Variants in ACSS2 observed in about 807,000 individuals in gnomAD.
The protein encoded by ACSS2 is acetyl-coenzyme A synthetase, cytoplasmic.
In ACSS2, 58 loss-of-function variants were observed where a neutral mutation model predicts 90.6. The ratio of observed to expected loss-of-function variants is 0.64; its 90% confidence interval spans 0.52 to 0.80. The LOEUF (loss-of-function observed/expected upper bound fraction) is 0.80. Among genes scored for constraint, ACSS2 ranks in the 30% least tolerant of loss-of-function variants. ACSS2 has a pLI of 0.00. For synonymous variants in ACSS2, 300 were observed against 330.9 expected (o/e 0.91, Z 1.01); for missense variants, 759 against 912.0 (o/e 0.83, Z 2.16).
chr20:34,902,457 A>G (rs965792055), intron 2 of ACSS2, among the ~76,000 whole-genome samples: 1 of 152,130 alleles, frequency 6.6e-6, no homozygotes, highest in East Asian at 1.9e-4. Flanking sequence ...TTCACTAGGA[A>G]GTGACATTTA....
At chr20:34,922,125 A>T (rs2081217382) in intron 13 of ACSS2, 1 of 641,216 alleles carries the variant, frequency 1.6e-6, no homozygotes, top group Non-Finnish European at 2.2e-6. Flanking sequence ...GGTCTGGAAG[A>T]CTAAGTCCCA....
chr20:34,919,312 G>T, intron 7 of ACSS2, 123 bp from the exon 8 acceptor site: 1 of 1,446,168 alleles, frequency 6.9e-7, no homozygotes. Context: ...TCCTTGAAGG[G>T]CCTTCTCTCC....
intron 1 of ACSS2, among the ~76,000 whole-genome samples, chr20:34,881,256 C>T (rs2080066437): frequency 6.7e-6 from 1 of 149,936 alleles, no homozygotes; most frequent in East Asian, 2.0e-4. Flanking sequence ...AGGCTGGTCT[C>T]GAACTCCTGA....
At chr20:34,878,836 C>T (rs2079988174) in intron 1 of ACSS2, among the ~76,000 whole-genome samples, 1 of 151,300 alleles carries the variant, frequency 6.6e-6, no homozygotes, top group East Asian at 1.9e-4. Context: ...TCATATGTCA[C>T]TGCAAAAACT....
At chr20:34,896,897 G>A (rs1257361566) in intron 2 of ACSS2, among the ~76,000 whole-genome samples, 1 of 152,192 alleles carries the variant, frequency 6.6e-6, no homozygotes, top group Non-Finnish European at 1.5e-5. Flanking sequence ...GCCTGTGGTG[G>A]CGGGGGCCTG....
At chr20:34,885,915 G>T (rs1000920583) in intron 2 of ACSS2, among the ~76,000 whole-genome samples, 1 of 148,360 alleles carries the variant, frequency 6.7e-6, no homozygotes, top group Admixed American at 6.6e-5. Context: ...GCTGCATTAG[G>T]CATTATGGAT....
rs967973630 is a variant in ACSS2, at chr20:34,914,154, G to A, written c.702G>A (p.Leu234=). 6.2e-7 allele frequency: 1 copy of A among 1,614,204 alleles called. No homozygotes were observed. The highest frequency in any genetic ancestry group is 2.2e-5 in the East Asian group (1 of 44,894). The change falls in exon 6 of 18, where the codon CTG becomes CTA. Residue 234 remains leucine, a synonymous_variant. Transcript: ENST00000360596. ...TGAAGGAGCTGGCTGACGAGGCCCT[G>A]CAGAAGTGTCAGGAGAAGTAAGTGT... ...VNLKELADEA[L]QKCQEKGFPV... is the part of the protein sequence containing the mutation.
rs1600358325 is a variant in ACSS2 at position 34,922,124 on chromosome 20, G to A, written c.1548+258G>A. The A allele has an allele frequency of 4.5e-6, 3 of 659,768 alleles. No individual in the cohort carries two copies. In the East Asian group the frequency reaches 1.2e-4, roughly 26 times the overall value. The allele number at this position is 659,768 out of a possible 1,614,324, so 40.9% of individuals were successfully genotyped here. ...TGATGGTACCTTTTTGGGTCTGGAA[G>A]ACTAAGTCCCATCTTCTTTTGACAA... On this transcript the variant is annotated intron_variant, in intron 13 of 17. Transcript: ENST00000360596.
intron 2 of ACSS2, among the ~76,000 whole-genome samples, chr20:34,899,879 T>C (rs1359793026): frequency 6.6e-6 from 1 of 152,188 alleles, no homozygotes. Context: ...AACCTTTGGG[T>C]ACATGTTTTT....
intron 7 of ACSS2, among the ~76,000 whole-genome samples, chr20:34,918,037 G>A (rs764572871): frequency 3.3e-5 from 5 of 152,142 alleles, no homozygotes; most frequent in Non-Finnish European, 7.4e-5. Context: ...GATTACAGGC[G>A]TGAGCCACCG....
chr20:34,919,293 T>C, intron 7 of ACSS2, 142 bp from the exon 8 acceptor site: 2 of 1,325,548 alleles, frequency 1.5e-6, no homozygotes, highest in Non-Finnish European at 2.1e-6. Context: ...TTCTTTCTGT[T>C]CCATTCCATC....
At chr20:34,908,890 C>G (rs1601343063) in intron 2 of ACSS2, 2 of 426,326 alleles carry the variant, frequency 4.7e-6, no homozygotes, top group Non-Finnish European at 9.2e-6. Flanking sequence ...AAGCACACAT[C>G]TCTTGAACCA....
chr20:34,914,274 T>C, intron 6 of ACSS2, 49 bp from the exon 7 acceptor site: 1 of 1,604,164 alleles, frequency 6.2e-7, no homozygotes, highest in Non-Finnish European at 8.5e-7. Context: ...TCTTGCCAAG[T>C]TCCCTTTGAG....
Position 34,921,004 on chromosome 20 carries a change from A to G in ACSS2, c.1144-2A>G. The stretch of plus-strand genomic sequence containing the variant: ...TGGGAATGACCAGCCTTCATGGGTC[A>G]GTTTGAGGGGATTCCCACATATCCG... On this transcript the variant is annotated splice_acceptor_variant, in intron 9 of 17. Coordinates refer to ENST00000360596, the MANE Select transcript of ACSS2 (RefSeq NM_018677.4). LOFTEE classifies it high-confidence loss of function. 2.5e-6 allele frequency: 4 copies of G among 1,614,162 alleles called. No homozygotes were observed. The highest frequency in any genetic ancestry group is 3.4e-6 in the Non-Finnish European group (4 of 1,180,014).
At chr20:34,881,815 G>A (rs2080076638) in intron 1 of ACSS2, among the ~76,000 whole-genome samples, 1 of 152,076 alleles carries the variant, frequency 6.6e-6, no homozygotes, top group Admixed American at 6.6e-5. Flanking sequence ...CTAGAGTTGT[G>A]GTAAGGATTA....
intron 2 of ACSS2, among the ~76,000 whole-genome samples, chr20:34,899,072 C>CG (rs1319858300): frequency 4.6e-5 from 7 of 152,320 alleles, no homozygotes; most frequent in Admixed American, 1.3e-4. Flanking sequence ...TGCCTGGGGC[C>CG]GGCAGGGCCG....
chr20:34,908,723 T>TAGATCTC, intron 2 of ACSS2: 1 of 292,422 alleles, frequency 3.4e-6, no homozygotes, highest in Non-Finnish European at 6.6e-6. Flanking sequence ...TAGCCAGGTG[T>TAGATCTC]GGTGGTGCAC....
At chr20:34,887,189 A>G (rs2080216556) in intron 2 of ACSS2, among the ~76,000 whole-genome samples, 2 of 152,330 alleles carry the variant, frequency 1.3e-5, no homozygotes, top group South Asian at 4.1e-4. Flanking sequence ...TGATTTGCCT[A>G]AGGGTCATAC....
chr20:34,882,896 A>C lies in ACSS2; in HGVS notation c.281A>C (p.Glu94Ala). Residue 94 changes from glutamate to alanine, a missense_variant, in exon 2 of 18, where the codon GAG becomes GCG. Transcript: ENST00000360596. Reference sequence around the variant, plus strand: ...GTGACTAAAGGGAAAATCTTCATTGAGTGGATGAAAGGAGCAACTACCAAC... The same window carrying C: ...GTGACTAAAGGGAAAATCTTCATTGCGTGGATGAAAGGAGCAACTACCAAC... ...FDVTKGKIFI[E>A]WMKGATTNIC... 1.9e-6 allele frequency: 3 copies of C among 1,613,978 alleles called. No homozygotes were observed. Among genetic ancestry groups the C allele is most frequent in the Non-Finnish European group, 2.5e-6 (3 of 1,179,946 alleles).
Sources: allele counts gnomAD v4.1 joint callset (sites outside exome capture counted in the v4.1 genomes callset), GRCh38; gene constraint gnomAD v4.1.1; transcripts MANE v1.5; gene names NCBI Gene and HGNC (gene_info 2026-07-23, HGNC 2026-07-21).